SLC4A7: variants seen among roughly 807,000 people sequenced by gnomAD.
SLC4A7 encodes the protein sodium bicarbonate cotransporter 3.
A neutral mutation model predicts 137.6 loss-of-function variants in SLC4A7; 51 were observed. The observed-to-expected ratio is 0.37, with a 90% CI of 0.30 to 0.47. The LOEUF is 0.47. Among genes scored for constraint, SLC4A7 ranks in the 20% least tolerant of loss-of-function variants. SLC4A7 has a pLI of 1.00. For synonymous variants in SLC4A7, 542 were observed against 518.6 expected (o/e 1.05, Z -0.61); for missense variants, 1,247 against 1,525.4 (o/e 0.82, Z 3.04).
chr3:27,440,354 C>T (rs927344347), intron 3 of SLC4A7, among the ~76,000 whole-genome samples: 10 of 152,108 alleles, frequency 6.6e-5, no homozygotes, highest in African/African-American at 1.9e-4. Context: ...CCAGTCTGAT[C>T]GTCTGACCTC....
intron 1 of SLC4A7, among the ~76,000 whole-genome samples, chr3:27,454,784 C>T (rs1168698717): frequency 6.6e-6 from 1 of 152,146 alleles, no homozygotes; most frequent in African/African-American, 2.4e-5. Context: ...TAACTGCTCC[C>T]ATTCCAAACT....
intron 23 of SLC4A7, among the ~76,000 whole-genome samples, chr3:27,385,061 T>C (rs943648044): frequency 2.0e-5 from 3 of 152,218 alleles, no homozygotes; most frequent in African/African-American, 7.2e-5. Context: ...AGTATCTAGT[T>C]AAAGAATTTT....
intron 2 of SLC4A7, among the ~76,000 whole-genome samples, chr3:27,449,028 T>C (rs2057879037): frequency 6.6e-6 from 1 of 151,796 alleles, no homozygotes; most frequent in South Asian, 2.1e-4. Flanking sequence ...TGTAAGTATT[T>C]GCACATCTAA....
chr3:27,381,755 C>T (rs2050438744), intron 24 of SLC4A7, among the ~76,000 whole-genome samples: 1 of 152,154 alleles, frequency 6.6e-6, no homozygotes, highest in Admixed American at 6.5e-5. Flanking sequence ...TTTTCTAAGA[C>T]TGATTTCGCT....
At position 27,376,113 on chromosome 3, in the gene SLC4A7, C is replaced by G. The variant is rs970744729; in HGVS notation, c.*651G>C. On this transcript the variant is annotated 3_prime_UTR_variant, in exon 26 of 26. Coordinates refer to ENST00000454389, the MANE Select transcript of SLC4A7 (RefSeq NM_001321103.2). ...AATTATCAAATCACCTGCAATTTTA[C>G]TTGTCTGTCACAATGGATACCTAGA... The G allele has an allele frequency of 6.6e-6, 1 of 152,004 alleles. No individual in the cohort carries two copies. The highest frequency in any genetic ancestry group is 1.5e-5 in the Non-Finnish European group (1 of 67,910). 9.4% of individuals were successfully genotyped at this position (152,004 alleles called of 1,614,324 possible). A position where few individuals can be genotyped will look rare whatever the true frequency, so the allele number is the denominator to read the frequency against.
At chr3:27,474,063 C>T (rs2150721958) in intron 1 of SLC4A7, among the ~76,000 whole-genome samples, 1 of 152,262 alleles carries the variant, frequency 6.6e-6, no homozygotes, top group East Asian at 1.9e-4. Context: ...TTCGACTGAA[C>T]ACTATGCTAA....
Position 27,376,841 on chromosome 3 carries a change from C to G in SLC4A7, c.3703G>C (p.Asp1235His). Residue 1235 changes from aspartate (D) to histidine (H), a missense_variant, in exon 26 of 26, where the codon GAT (aspartate) becomes CAT (histidine). Physicochemically the swap from Asp to His is moderately conservative, Grantham distance 81. Around this residue, in one of 6 missense-constraint regions of SLC4A7, gnomAD observed 290 missense variants for 323.8 expected, o/e 0.90. Transcript: ENST00000454389. ...AKVTRSNMSP[D>H]KPVSVKISFE... is the part of the protein sequence containing the mutation. ...CTTATTTTCACACTCACAGGTTTAT[C>G]AGGACTATTTAAAACAAAGAATTAA... The G allele has an allele frequency of 1.3e-6, 2 of 1,537,094 alleles. No homozygotes were observed. The highest frequency in any genetic ancestry group is 1.8e-6 in the Non-Finnish European group (2 of 1,120,330).
chr3:27,469,247 G>C (rs559072363), intron 1 of SLC4A7, among the ~76,000 whole-genome samples: 7 of 152,232 alleles, frequency 4.6e-5, no homozygotes, highest in Admixed American at 6.5e-5. Flanking sequence ...TTCTCCCCAC[G>C]AGCAAGCCAA....
intron 11 of SLC4A7, among the ~76,000 whole-genome samples, chr3:27,414,183 G>C (rs919355582): frequency 6.6e-6 from 1 of 152,118 alleles, no homozygotes; most frequent in Non-Finnish European, 1.5e-5. Context: ...GGGAGGCTGA[G>C]GCAGGAGAAT....
At chr3:27,392,232 C>A (rs989101520) in intron 20 of SLC4A7, among the ~76,000 whole-genome samples, 1 of 152,172 alleles carries the variant, frequency 6.6e-6, no homozygotes, top group Non-Finnish European at 1.5e-5. Context: ...TAAGCAGTAG[C>A]CTTTACTGAA....
chr3:27,469,855 C>A (rs1398464990), intron 1 of SLC4A7, among the ~76,000 whole-genome samples: 1 of 152,178 alleles, frequency 6.6e-6, no homozygotes, highest in Non-Finnish European at 1.5e-5. Context: ...CCATTTTGTC[C>A]AATCACTGCA....
chr3:27,415,346 T>G (rs1434049537), intron 11 of SLC4A7, among the ~76,000 whole-genome samples: 1 of 152,236 alleles, frequency 6.6e-6, no homozygotes, highest in East Asian at 1.9e-4. Context: ...ACAAAAAGAC[T>G]GGAAGCTGGC....
intron 13 of SLC4A7, among the ~76,000 whole-genome samples, chr3:27,406,989 A>G (rs2053428763): frequency 6.6e-6 from 1 of 152,150 alleles, no homozygotes; most frequent in African/African-American, 2.4e-5. Context: ...AAAAAAAGCA[A>G]AACATTGAGA....
At chr3:27,446,885 GTTTTTTTTGTTT>G (rs1279931729) in intron 3 of SLC4A7, among the ~76,000 whole-genome samples, 3 of 35,772 alleles carry the variant, frequency 8.4e-5, no homozygotes, top group African/African-American at 1.3e-4. Flanking sequence ...GTTTTTTTTT[GTTTTTTTTGTTT>G]TTTTTAAACA....
At chr3:27,471,701 C>T (rs1308297251) in intron 1 of SLC4A7, among the ~76,000 whole-genome samples, 1 of 152,178 alleles carries the variant, frequency 6.6e-6, no homozygotes, top group Non-Finnish European at 1.5e-5. Flanking sequence ...ACACTATCAA[C>T]AAAGTGAGTA....
At chr3:27,389,662 C>T (rs976495692) in intron 22 of SLC4A7, among the ~76,000 whole-genome samples, 6 of 151,996 alleles carry the variant, frequency 3.9e-5, no homozygotes, top group Admixed American at 1.3e-4. Context: ...GTTCCATGAA[C>T]GTCCTGAATT....
chr3:27,393,647 C>G (rs1456542963), intron 20 of SLC4A7, among the ~76,000 whole-genome samples: 1 of 152,170 alleles, frequency 6.6e-6, no homozygotes, highest in East Asian at 1.9e-4. Context: ...GCTTAGTCCT[C>G]ACAATCACAC....
At position 27,437,546 on chromosome 3, in the gene SLC4A7, A is replaced by C. The variant is rs1347378697; in HGVS notation, c.290-20T>G. The C allele has an allele frequency of 6.7e-7, 1 of 1,482,034 alleles. No individual in the cohort carries two copies. The allele number at this position is 1,482,034 out of a possible 1,614,324, so 91.8% of individuals were successfully genotyped here. The stretch of plus-strand genomic sequence containing the variant: ...GTGTATCTTTACAAAATAAGAATTT[A>C]CATATACTCAAATTTTTCCTCAAGT... On this transcript the variant is annotated intron_variant, in intron 3 of 25. Coordinates refer to ENST00000454389, the MANE Select transcript of SLC4A7 (RefSeq NM_001321103.2).
chr3:27,471,798 CT>C (rs1472533954), intron 1 of SLC4A7, among the ~76,000 whole-genome samples: 1 of 152,184 alleles, frequency 6.6e-6, no homozygotes, highest in East Asian at 1.9e-4. Context: ...AAAGCAAAAG[CT>C]TTAACATTTG....
Sources: gnomAD v4.1 joint callset for allele counts (sites outside exome capture counted in the v4.1 genomes callset) on GRCh38, gnomAD v4.1.1 for gene constraint, gnomAD v4.1.1 regional missense constraint, MANE v1.5 for transcripts, NCBI Gene and HGNC (gene_info 2026-07-23, HGNC 2026-07-21) for gene names.